The following FAM228B variants were observed in gnomAD, a reference collection of about 807,000 sequenced individuals.
The protein encoded by FAM228B is family with sequence similarity 228 member B.
Under a neutral mutation model 42.6 loss-of-function variants are expected in FAM228B, and 38 were observed. That is an observed-to-expected ratio of 0.89 (90% confidence interval 0.69 to 1.17). The LOEUF is 1.17. Among genes scored for constraint, FAM228B ranks in the 50% most tolerant of loss-of-function variants. FAM228B has a pLI of 0.00. For missense variants in FAM228B, 344 were observed against 367.3 expected (o/e 0.94, Z 0.52); for synonymous variants, 109 against 122.3 (o/e 0.89, Z 0.72).
At chr2:24,140,140 AC>A (rs1218251637) in intron 5 of FAM228B, among the ~76,000 whole-genome samples, 1 of 152,142 alleles carries the variant, frequency 6.6e-6, no homozygotes, top group African/African-American at 2.4e-5. Context: ...TGTCAAAGTC[AC>A]CCAGCTGTAA....
At chr2:24,100,226 A>C (rs1314790666) in intron 3 of FAM228B, among the ~76,000 whole-genome samples, 1 of 152,258 alleles carries the variant, frequency 6.6e-6, no homozygotes, top group Non-Finnish European at 1.5e-5. Context: ...TTCATGACTA[A>C]AACACCAAAA....
At chr2:24,117,070 C>T (rs144830249) in intron 3 of FAM228B, among the ~76,000 whole-genome samples, 1 of 143,120 alleles carries the variant, frequency 7.0e-6, no homozygotes, top group Admixed American at 7.3e-5. Context: ...GGCTGGAGTG[C>T]AGTGGCACGA....
chr2:24,092,681 C>T (rs1270649674), intron 2 of FAM228B, among the ~76,000 whole-genome samples: 3 of 152,076 alleles, frequency 2.0e-5, no homozygotes, highest in Non-Finnish European at 4.4e-5. Flanking sequence ...ACCAATTATA[C>T]AGATGTATGT....
intron 2 of FAM228B, among the ~76,000 whole-genome samples, chr2:24,127,877 G>A (rs895023257): frequency 6.6e-6 from 1 of 152,160 alleles, no homozygotes; most frequent in Non-Finnish European, 1.5e-5. Flanking sequence ...TGGCCAAGCT[G>A]ATCTTGAACT....
At chr2:24,158,976 C>G (rs1667226017) in intron 7 of FAM228B, among the ~76,000 whole-genome samples, 1 of 152,202 alleles carries the variant, frequency 6.6e-6, no homozygotes, top group Non-Finnish European at 1.5e-5. Flanking sequence ...TTCCTAGCTA[C>G]TGATGGTTGA....
rs138161030 is a variant in FAM228B, at chr2:24,125,439, A to G, written c.99+979A>G. 3.2e-3 allele frequency among the ~76,000 whole-genome samples: 487 copies of G among 152,324 alleles called. 4 individuals carry two copies. Among genetic ancestry groups the G allele is most frequent in the African/African-American group, 0.011 (458 of 41,570 alleles). ...CATGTATACACACGAAAACATCACC[A>G]CAATCAAGATGGTGGACATATTCAG... On this transcript the variant is annotated intron_variant, in intron 2 of 10. Coordinates refer to ENST00000615575, the MANE Select transcript of FAM228B (RefSeq NM_001145710.2).
chr2:24,145,712 T>C (rs1666877614), intron 5 of FAM228B, among the ~76,000 whole-genome samples: 1 of 150,780 alleles, frequency 6.6e-6, no homozygotes, highest in South Asian at 2.1e-4. Flanking sequence ...GTTCCTTTTT[T>C]TTTTTTTTTT....
intron 10 of FAM228B, among the ~76,000 whole-genome samples, chr2:24,168,453 A>G (rs151214393): frequency 6.6e-6 from 1 of 152,356 alleles, no homozygotes; most frequent in East Asian, 1.9e-4. Context: ...CCATGTGGCA[A>G]TGCTGCTGAG....
chr2:24,140,688 G>A lies in FAM228B; in HGVS notation c.441+1238G>A, dbSNP rs941535451. ...TAGAAAAATTTTATGGCAGCCGGGC[G>A]CAGTGGCTCATGCCTGTAATCCTAG... On this transcript the variant is annotated intron_variant, in intron 5 of 10. Coordinates refer to ENST00000615575, the MANE Select transcript of FAM228B (RefSeq NM_001145710.2). 3.3e-5 allele frequency among the ~76,000 whole-genome samples: 5 copies of A among 152,032 alleles called. No individual in the cohort carries two copies. The South Asian group carries it at 6.2e-4, about 19-fold the overall frequency.
rs375407854 is a variant in FAM228B at position 24,153,264 on chromosome 2, G to A, written c.686+6178G>A. 4.4e-3 allele frequency among the ~76,000 whole-genome samples: 667 copies of A among 152,194 alleles called. 7 individuals are homozygous for A. The highest frequency in any genetic ancestry group is 0.016 in the African/African-American group (644 of 41,516). On this transcript the variant is annotated intron_variant, in intron 7 of 10. Transcript: ENST00000615575. ...CCTCTGTTTTTCTCAAACAGAAGGCGTCTTTCACCATAGCCACCACAGCTA... is the reference window on the plus strand; with the variant it reads ...CCTCTGTTTTTCTCAAACAGAAGGCATCTTTCACCATAGCCACCACAGCTA...
chr2:24,090,080 T>C (rs1178165170), intron 2 of FAM228B, among the ~76,000 whole-genome samples: 1 of 150,404 alleles, frequency 6.6e-6, no homozygotes, highest in Non-Finnish European at 1.5e-5. Context: ...GAGACCATCC[T>C]GGCTAACATG....
intron 3 of FAM228B, among the ~76,000 whole-genome samples, chr2:24,117,300 G>C (rs988530102): frequency 6.6e-6 from 1 of 152,160 alleles, no homozygotes; most frequent in Admixed American, 6.5e-5. Context: ...ACAGGCGTGA[G>C]CCACTGCACA....
intron 3 of FAM228B, chr2:24,097,117 T>C (rs12328755): frequency 0.12 from 18,082 of 152,020 alleles, 1,251 homozygotes; most frequent in South Asian, 0.18. Context: ...CGAGAGCTCC[T>C]AAAGGAAGCA....
intron 3 of FAM228B, among the ~76,000 whole-genome samples, chr2:24,102,018 C>G (rs1665619927): frequency 3.3e-5 from 5 of 152,120 alleles, no homozygotes; most frequent in Admixed American, 3.3e-4. Context: ...TCTGAGAAAT[C>G]TAGTTTGCAT....
chr2:24,136,303 T>C (rs1485222347), intron 3 of FAM228B, among the ~76,000 whole-genome samples: 3 of 152,096 alleles, frequency 2.0e-5, no homozygotes, highest in Admixed American at 6.5e-5. Context: ...CTCGGCTCAC[T>C]GCAACTTCCA....
chr2:24,161,083 G>T (rs1045247618), intron 7 of FAM228B, among the ~76,000 whole-genome samples: 1 of 152,254 alleles, frequency 6.6e-6, no homozygotes. Flanking sequence ...TGATGTTTTT[G>T]TCTCTATATT....
intron 7 of FAM228B, among the ~76,000 whole-genome samples, chr2:24,154,774 T>C (rs1371334698): frequency 6.6e-6 from 1 of 152,224 alleles, no homozygotes; most frequent in Non-Finnish European, 1.5e-5. Context: ...ATAAAAGTTA[T>C]GTTTTTGTAG....
At chr2:24,098,886 A>C (rs1027702949) in intron 3 of FAM228B, among the ~76,000 whole-genome samples, 2 of 152,210 alleles carry the variant, frequency 1.3e-5, no homozygotes, top group African/African-American at 4.8e-5. Context: ...ATCCTCAATA[A>C]AATACTGGCA....
At position 24,095,660 on chromosome 2, in the gene FAM228B, T is replaced by G. The variant is rs1274357355; in HGVS notation, c.-121+431T>G. 1 of 152,328 alleles carries G rather than the reference T, an allele frequency of 6.6e-6. No homozygotes were observed. The highest frequency in any genetic ancestry group is 1.5e-5 in the Non-Finnish European group (1 of 68,136). 9.4% of individuals were successfully genotyped at this position (152,328 alleles called of 1,614,324 possible). On this transcript the variant is annotated intron_variant, in intron 3 of 10. Coordinates refer to the FAM228B transcript ENST00000613899. The surrounding 1 kb of genome is among the most constrained non-coding windows in gnomAD (Gnocchi z 4.8). ...TCAGTAAGGCCTACTGCCTCTAGAC[T>G]CCATCTCTGTGGCCAGGGCATAGCT...
Sources: allele counts gnomAD v4.1 joint callset (sites outside exome capture counted in the v4.1 genomes callset), GRCh38; gene constraint gnomAD v4.1.1; non-coding constraint Gnocchi (gnomAD v3.1); transcripts MANE v1.5; gene names NCBI Gene and HGNC (gene_info 2026-07-23, HGNC 2026-07-21).